The following DOCK11 variants were observed in gnomAD, a reference collection of about 807,000 sequenced individuals.
DOCK11 encodes the protein dedicator of cytokinesis 11, also known as dedicator of cytokinesis protein 11.
DOCK11 carries 70 observed loss-of-function variants against 169.1 expected under a neutral mutation model. That is an observed-to-expected ratio of 0.41 (90% CI 0.34 to 0.51). The LOEUF is 0.51. DOCK11 is among the 20% of genes least tolerant of loss of function. The pLI is 0.10. For synonymous variants in DOCK11, 529 were observed against 541.3 expected, an observed-to-expected ratio of 0.98 and a Z score of 0.32; for missense variants, 1,166 against 1,538.8, an observed-to-expected ratio of 0.76 and a Z score of 4.05.
chrX:118,505,351 T>A (rs2057604530), intron 1 of DOCK11, among the ~76,000 whole-genome samples: 1 of 112,371 alleles, frequency 8.9e-6, no homozygotes, highest in Non-Finnish European at 1.9e-5. Flanking sequence ...ATATTCTTAA[T>A]GTATAATATT....
intron 42 of DOCK11, 63 bp downstream of exon 42, chrX:118,652,140 T>A: frequency 1.4e-6 from 1 of 726,781 alleles, no homozygotes; most frequent in Non-Finnish European, 2.1e-6. Context: ...TTTAAACTCT[T>A]AAACTGTCAT....
At chrX:118,648,460 G>A (rs1457812101) in intron 40 of DOCK11, among the ~76,000 whole-genome samples, 6 of 95,119 alleles carry the variant, frequency 6.3e-5, no homozygotes, top group Non-Finnish European at 1.2e-4. Flanking sequence ...TCAACGTGCT[G>A]AGACAATATA....
chrX:118,678,443 C>A (rs1040547091), intron 48 of DOCK11, among the ~76,000 whole-genome samples: 1 of 111,423 alleles, frequency 9.0e-6, no homozygotes, highest in African/African-American at 3.3e-5. Flanking sequence ...ATGAATCTAT[C>A]AAGATGTATA....
intron 28 of DOCK11, among the ~76,000 whole-genome samples, chrX:118,612,105 C>A (rs1352207225): frequency 8.9e-6 from 1 of 111,790 alleles, no homozygotes; most frequent in East Asian, 2.8e-4. Flanking sequence ...TTCCATTCTC[C>A]CTCTCTTCAT....
chrX:118,569,589 G>A (rs1197603970), intron 10 of DOCK11: 1 of 111,510 alleles, frequency 9.0e-6, no homozygotes, highest in East Asian at 2.8e-4. Context: ...AAAGTATATA[G>A]GCTATAAATA....
Position 118,630,450 on chromosome X carries a change from C to T in DOCK11, c.3846C>T (p.Leu1282=). 1 of 1,206,889 alleles carries T rather than the reference C, an allele frequency of 8.3e-7. No homozygotes were observed. The highest frequency in any genetic ancestry group is 1.1e-6 in the Non-Finnish European group (1 of 891,597). Residue 1282 remains leucine, a synonymous_variant, in exon 35 of 53, where the codon CTC becomes CTT. Transcript: ENST00000276202. ...NRLDQYEIRS[L]LMCYLYIVKM... ...TGGATCAGTATGAAATCAGAAGCCT[C>T]CTGATGTGCTACCTGTATATAGTAA...
At chrX:118,580,249 C>A in intron 14 of DOCK11, 70 bp downstream of exon 14, 1 of 874,967 alleles carries the variant, frequency 1.1e-6, no homozygotes, top group Non-Finnish European at 1.6e-6. Flanking sequence ...TTATACTTAC[C>A]AGCATTCAGC....
intron 46 of DOCK11, 94 bp from the exon 47 acceptor site, chrX:118,675,842 A>G: frequency 1.9e-6 from 1 of 522,400 alleles, no homozygotes; most frequent in South Asian, 3.6e-5. Context: ...TTTGAAAAGA[A>G]TATACTGGTG....
chrX:118,651,875 T>C, intron 41 of DOCK11, 89 bp from the exon 42 acceptor site: 1 of 574,050 alleles, frequency 1.7e-6, no homozygotes, highest in South Asian at 3.3e-5. Flanking sequence ...AAGCATTTCA[T>C]GTGAGTGCTT....
chrX:118,540,051 CAAAAAAAAAA>C (rs58922946), intron 1 of DOCK11, among the ~76,000 whole-genome samples: 1 of 42,296 alleles, frequency 2.4e-5, no homozygotes, highest in Non-Finnish European at 4.1e-5. Context: ...AACTCCATCT[CAAAAAAAAAA>C]AAAAAAAAAA....
intron 45 of DOCK11, among the ~76,000 whole-genome samples, chrX:118,664,777 G>C (rs758640690): frequency 5.0e-4 from 56 of 111,857 alleles, no homozygotes; most frequent in African/African-American, 1.8e-3. Context: ...GGCAAGTGAA[G>C]ACCGGAGAAT....
intron 28 of DOCK11, among the ~76,000 whole-genome samples, chrX:118,612,122 A>G (rs1055644213): frequency 1.8e-5 from 2 of 111,649 alleles, no homozygotes; most frequent in African/African-American, 6.5e-5. Flanking sequence ...TCATTTCTCA[A>G]AGCTCTTCAT....
In DOCK11 at chrX:118,618,646, A is replaced by G. The variant is rs375622117; in HGVS notation, c.3389A>G (p.Asn1130Ser). ...GAAACTTCCATTGCTCTTCAGGACA[A>G]TTATGAGATCAGATATACAGCTATC... The part of the protein sequence containing the change: ...LRETSIALQD[N>S]YEIRYTAISV... The change falls in exon 31 of 53, where the codon AAT becomes AGT. Residue 1130 changes from asparagine to serine, a missense_variant. By Grantham distance (46) the Asn-to-Ser change is conservative. Coordinates refer to ENST00000276202, the MANE Select transcript of DOCK11 (RefSeq NM_144658.4). 2.5e-6 allele frequency: 3 copies of G among 1,206,467 alleles called. No homozygotes were observed. Among genetic ancestry groups the G allele is most frequent in the African/African-American group, 3.5e-5 (2 of 57,066 alleles).
intron 1 of DOCK11, among the ~76,000 whole-genome samples, chrX:118,529,336 A>G (rs2011456020): frequency 8.9e-6 from 1 of 112,210 alleles, no homozygotes; most frequent in African/African-American, 3.2e-5. Context: ...TTGTTCTATG[A>G]AAACTTCATA....
intron 1 of DOCK11, among the ~76,000 whole-genome samples, chrX:118,521,887 T>C (rs2011275507): frequency 8.9e-6 from 1 of 112,229 alleles, no homozygotes; most frequent in African/African-American, 3.2e-5. Flanking sequence ...AAAAAACATT[T>C]CTAAAACTTG....
rs1021578489 is a variant in DOCK11 at position 118,618,510 on chromosome X, A to G, written c.3293-40A>G. On this transcript the variant is annotated intron_variant, in intron 30 of 52. Coordinates refer to ENST00000276202, the MANE Select transcript of DOCK11 (RefSeq NM_144658.4). Reference sequence around the variant, plus strand: ...TATTTTAATTATAATCATGTTTTGAATATTTTCATAAATGGGTTTTAAATT... The same window carrying G: ...TATTTTAATTATAATCATGTTTTGAGTATTTTCATAAATGGGTTTTAAATT... 2.9e-6 allele frequency: 3 copies of G among 1,040,362 alleles called. No homozygotes were observed. In the African/African-American group the frequency reaches 5.7e-5, roughly 20 times the overall value. The allele number at this position is 1,040,362 out of a possible 1,213,427, so 85.7% of individuals were successfully genotyped here. A position where few individuals can be genotyped will look rare whatever the true frequency, so the allele number is the denominator to read the frequency against.
chrX:118,630,851 A>G (rs2015221370), intron 35 of DOCK11, among the ~76,000 whole-genome samples: 1 of 112,350 alleles, frequency 8.9e-6, no homozygotes, highest in South Asian at 3.6e-4. Flanking sequence ...TTAATACTTC[A>G]GCTTTTATTT....
chrX:118,578,315 G>C (rs751825207), intron 12 of DOCK11, among the ~76,000 whole-genome samples: 2 of 111,803 alleles, frequency 1.8e-5, no homozygotes, highest in African/African-American at 6.5e-5. Flanking sequence ...GAGACTAACA[G>C]ATGTGAGGTT....
intron 1 of DOCK11, among the ~76,000 whole-genome samples, chrX:118,504,182 G>A (rs1353591471): frequency 2.7e-5 from 3 of 109,741 alleles, no homozygotes; most frequent in Non-Finnish European, 5.7e-5. Context: ...GATCCTTAAC[G>A]TTTTTCAAGA....
Sources: gnomAD v4.1 joint callset for allele counts (sites outside exome capture counted in the v4.1 genomes callset) on GRCh38, gnomAD v4.1.1 for gene constraint, MANE v1.5 for transcripts, NCBI Gene and HGNC (gene_info 2026-07-23, HGNC 2026-07-21) for gene names.